SPAG16: variants seen among roughly 807,000 people sequenced by gnomAD.
SPAG16 encodes the protein sperm associated antigen 16, also known as sperm-associated antigen 16 protein.
SPAG16 carries 86 observed loss-of-function variants against 80.4 expected under a neutral mutation model. The ratio of observed to expected loss-of-function variants is 1.07; its 90% confidence interval spans 0.90 to 1.28. The LOEUF (loss-of-function observed/expected upper bound fraction) is 1.28, where lower values mean the gene tolerates loss of function less well. SPAG16 is among the 50% of genes most tolerant of loss of function. The probability of loss-of-function intolerance (pLI) is 0.00; values close to 1 mark genes in which losing one functional copy is unlikely to be tolerated. For synonymous variants in SPAG16, 294 were observed against 265.9 expected, an observed-to-expected ratio of 1.11 and a Z score of -1.03; for missense variants, 870 against 765.3, an observed-to-expected ratio of 1.14 and a Z score of -1.61.
chr2:213,500,090 A>G (rs2074673045), intron 10 of SPAG16, among the ~76,000 whole-genome samples: 2 of 152,156 alleles, frequency 1.3e-5, no homozygotes, highest in African/African-American at 4.8e-5. Flanking sequence ...TAACTGTCCA[A>G]TCAGATTCTT....
chr2:214,126,120 G>A (rs567925383), intron 14 of SPAG16, among the ~76,000 whole-genome samples: 1 of 145,316 alleles, frequency 6.9e-6, no homozygotes, highest in East Asian at 2.0e-4. Flanking sequence ...CTGGCAATGG[G>A]GCAGGTCCCA....
chr2:213,412,019 T>G (rs1209410582), intron 9 of SPAG16, among the ~76,000 whole-genome samples: 1 of 152,240 alleles, frequency 6.6e-6, no homozygotes, highest in Admixed American at 6.5e-5. Context: ...CTTTGCCTTT[T>G]ACTTGTAAAC....
chr2:214,125,791 C>A (rs1020552531), intron 14 of SPAG16, among the ~76,000 whole-genome samples: 1 of 151,580 alleles, frequency 6.6e-6, no homozygotes, highest in Non-Finnish European at 1.5e-5. Context: ...AAAAGTATAA[C>A]AAATGTATTT....
At chr2:213,331,967 A>G (rs541085339) in intron 5 of SPAG16, among the ~76,000 whole-genome samples, 2 of 152,292 alleles carry the variant, frequency 1.3e-5, no homozygotes, top group African/African-American at 4.8e-5. Context: ...TTACCTAATG[A>G]TTCATCTTAA....
chr2:214,377,646 T>TAGTTA (rs1159571720), intron 15 of SPAG16, among the ~76,000 whole-genome samples: 2 of 152,158 alleles, frequency 1.3e-5, no homozygotes, highest in African/African-American at 4.8e-5. Flanking sequence ...AGGCTATTAG[T>TAGTTA]AGTTAAGTTC....
intron 12 of SPAG16, among the ~76,000 whole-genome samples, chr2:213,942,952 T>G (rs1313693269): frequency 6.6e-6 from 1 of 152,174 alleles, no homozygotes; most frequent in East Asian, 1.9e-4. Flanking sequence ...TGAATGAGAT[T>G]AGTGCCCTTA....
intron 10 of SPAG16, among the ~76,000 whole-genome samples, chr2:213,668,391 C>T (rs2063691536): frequency 6.6e-6 from 1 of 151,406 alleles, no homozygotes; most frequent in South Asian, 2.1e-4. Flanking sequence ...TAAAACAATT[C>T]AGGGACTCAC....
At chr2:213,788,947 T>A (rs956142018) in intron 10 of SPAG16, among the ~76,000 whole-genome samples, 2 of 151,922 alleles carry the variant, frequency 1.3e-5, no homozygotes, top group Non-Finnish European at 2.9e-5. Context: ...TATAATTCCT[T>A]CTCTCTGTTT....
Position 214,360,375 on chromosome 2 carries a change from C to T in SPAG16, c.1721-49765C>T, listed in dbSNP as rs1403406304. On this transcript the variant is annotated intron_variant, in intron 15 of 15. Transcript: ENST00000331683. ...TCTGGGTGTTGACATGTCATTTTAA[C>T]CAAAGAGAACAAATTGAAAAGCTTA... Among the ~76,000 whole-genome samples, 3 of 151,860 alleles carry T rather than the reference C, an allele frequency of 2.0e-5. No homozygotes were observed. In the East Asian group the frequency reaches 5.8e-4, roughly 29 times the overall value.
chr2:214,372,337 C>T (rs1699876236), intron 15 of SPAG16, among the ~76,000 whole-genome samples: 1 of 152,156 alleles, frequency 6.6e-6, no homozygotes, highest in African/African-American at 2.4e-5. Flanking sequence ...CTTGAAGCAT[C>T]ATGCCAGTGT....
At chr2:214,190,700 G>A (rs1292248355) in intron 15 of SPAG16, among the ~76,000 whole-genome samples, 2 of 152,052 alleles carry the variant, frequency 1.3e-5, no homozygotes, top group Admixed American at 6.6e-5. Context: ...GGGGCCCCAT[G>A]ATGGCATCAA....
In SPAG16 at chr2:213,661,188, A is replaced by T. The variant is rs375321315; in HGVS notation, c.1070+171098A>T. Among the ~76,000 whole-genome samples, 14 of 152,340 alleles carry T rather than the reference A, an allele frequency of 9.2e-5. No homozygotes were observed. In the East Asian group the frequency reaches 2.7e-3, roughly 29 times the overall value. ...TTAAATATATGTTTGGTGTGCATACAGTTTACCTAAGTATGAAAATAAATG... is the reference window on the plus strand; with the variant it reads ...TTAAATATATGTTTGGTGTGCATACTGTTTACCTAAGTATGAAAATAAATG... On this transcript the variant is annotated intron_variant, in intron 10 of 15. Coordinates refer to ENST00000331683, the MANE Select transcript of SPAG16 (RefSeq NM_024532.5).
At chr2:213,518,397 G>A (rs955051511) in intron 10 of SPAG16, among the ~76,000 whole-genome samples, 7 of 152,138 alleles carry the variant, frequency 4.6e-5, no homozygotes, top group Non-Finnish European at 7.4e-5. Context: ...CCTCCTACAG[G>A]AAGCTGGGAC....
At chr2:213,358,373 C>A (rs1418897843) in intron 7 of SPAG16, among the ~76,000 whole-genome samples, 2 of 152,148 alleles carry the variant, frequency 1.3e-5, no homozygotes, top group South Asian at 4.1e-4. Flanking sequence ...GTTCCATTCT[C>A]CCCATCACTT....
Position 213,508,565 on chromosome 2 carries a change from T to C in SPAG16, c.1070+18475T>C, listed in dbSNP as rs193047888. 7.9e-4 allele frequency among the ~76,000 whole-genome samples: 119 copies of C among 151,166 alleles called. 2 individuals are homozygous for C. Among genetic ancestry groups the C allele is most frequent in the Middle Eastern group, 3.4e-3 (1 of 294 alleles). ...CTGCAGTCCGGCCTGGGCGACAGAG[T>C]GAGACTCCGTCTCAAAAGAAAAAAA... On this transcript the variant is annotated intron_variant, in intron 10 of 15. Coordinates refer to ENST00000331683, the MANE Select transcript of SPAG16 (RefSeq NM_024532.5).
At chr2:213,490,343 C>G (rs12993900) in intron 10 of SPAG16, among the ~76,000 whole-genome samples, 40,685 of 151,974 alleles carry the variant, frequency 0.27, 6,325 homozygotes, top group Middle Eastern at 0.43. Flanking sequence ...ATGCACAAAT[C>G]ATTTTTAGAG....
chr2:213,734,587 G>A (rs938683338), intron 10 of SPAG16, among the ~76,000 whole-genome samples: 1 of 152,138 alleles, frequency 6.6e-6, no homozygotes, highest in Non-Finnish European at 1.5e-5. Context: ...TATTTTGAAG[G>A]TGAGTGTCTT....
At chr2:213,796,928 TCCTAAAGA>T (rs56973442) in intron 10 of SPAG16, among the ~76,000 whole-genome samples, 90,730 of 151,132 alleles carry the variant, frequency 0.6, 29,225 homozygotes, top group South Asian at 0.86. Flanking sequence ...ATGTTATTTC[TCCTAAAGA>T]CCTTTTAGTG....
intron 15 of SPAG16, among the ~76,000 whole-genome samples, chr2:214,270,557 T>G (rs1691915907): frequency 6.6e-6 from 1 of 152,168 alleles, no homozygotes; most frequent in South Asian, 2.1e-4. Flanking sequence ...GGCTCCTGAC[T>G]ACATGTCCAA....
Sources: gnomAD v4.1 joint callset for allele counts (sites outside exome capture counted in the v4.1 genomes callset) on GRCh38, gnomAD v4.1.1 for gene constraint, MANE v1.5 for transcripts, NCBI Gene and HGNC (gene_info 2026-07-23, HGNC 2026-07-21) for gene names.